Variants in IFT56 observed in about 807,000 individuals in gnomAD.
The protein encoded by IFT56 is intraflagellar transport protein 56.
chr7:139,134,650 T>C, the IFT56 span: 52 of 1,602,820 alleles, frequency 3.2e-5, no homozygotes, highest in Non-Finnish European at 4.3e-5. Context: ...TTGTTTCTTT[T>C]ACAGATGCTT....
chr7:139,173,846 T>C, the IFT56 span: 1 of 712,672 alleles, frequency 1.4e-6, no homozygotes, highest in Non-Finnish European at 2.6e-6. Flanking sequence ...GAACTTCAGG[T>C]ATTTCTATAG....
the IFT56 span, among the ~76,000 whole-genome samples, chr7:139,166,158 A>T: frequency 1.1e-4 from 16 of 152,114 alleles, no homozygotes; most frequent in Non-Finnish European, 2.2e-4. Context: ...GGGTTTCGCC[A>T]TGTTGGCCAG....
chr7:139,166,855 C>T, the IFT56 span: 46 of 1,585,212 alleles, frequency 2.9e-5, no homozygotes, highest in Non-Finnish European at 1.7e-6. Flanking sequence ...GTACAAGAAG[C>T]TTATAACTTA....
the IFT56 span, chr7:139,139,776 T>C: frequency 1.6e-6 from 1 of 638,280 alleles, no homozygotes; most frequent in South Asian, 2.1e-5. Context: ...GCATGTAGGA[T>C]TCCCTAAATG....
chr7:139,155,188 A>C, the IFT56 span, among the ~76,000 whole-genome samples: 4 of 151,926 alleles, frequency 2.6e-5, no homozygotes, highest in Non-Finnish European at 5.9e-5. Context: ...ACCTTGCTGA[A>C]CTCATTTATT....
chr7:139,172,143 AAATTAC>A, the IFT56 span, among the ~76,000 whole-genome samples: 12 of 132,184 alleles, frequency 9.1e-5, no homozygotes, highest in African/African-American at 4.7e-4. Context: ...AAAAAAAAAA[AAATTAC>A]TTAATGCTAA....
the IFT56 span, chr7:139,169,438 A>T: frequency 8.1e-7 from 1 of 1,235,158 alleles, no homozygotes; most frequent in Non-Finnish European, 1.2e-6. Context: ...CTGTCTAGGG[A>T]TGTATCTATT....
the IFT56 span, chr7:139,189,455 C>T: frequency 6.7e-7 from 1 of 1,486,626 alleles, no homozygotes; most frequent in Non-Finnish European, 9.3e-7. Context: ...GTCCTAGGAA[C>T]CAGCTTCTAC....
chr7:139,171,435 C>T, the IFT56 span, among the ~76,000 whole-genome samples: 1 of 152,154 alleles, frequency 6.6e-6, no homozygotes, highest in Non-Finnish European at 1.5e-5. Flanking sequence ...TACCTGACTT[C>T]TAATTATACC....
the IFT56 span, among the ~76,000 whole-genome samples, chr7:139,171,843 T>A: frequency 6.6e-6 from 1 of 152,200 alleles, no homozygotes; most frequent in African/African-American, 2.4e-5. Flanking sequence ...TAGGCTTTAT[T>A]TAGATCACCA....
chr7:139,181,576 G>C, the IFT56 span, among the ~76,000 whole-genome samples: 1 of 152,180 alleles, frequency 6.6e-6, no homozygotes, highest in African/African-American at 2.4e-5. Flanking sequence ...GTCCTGTGTT[G>C]CTTTATAATG....
At chr7:139,143,485 G>A in the IFT56 span, among the ~76,000 whole-genome samples, 23 of 151,886 alleles carry the variant, frequency 1.5e-4, no homozygotes, top group African/African-American at 4.1e-4. Flanking sequence ...ATATTTGTGA[G>A]CTATACTAGC....
chr7:139,151,327 CAG>C, the IFT56 span, among the ~76,000 whole-genome samples: 1 of 151,754 alleles, frequency 6.6e-6, no homozygotes, highest in African/African-American at 2.4e-5. Context: ...GGATGGCAAA[CAG>C]ATGATGAAAA....
the IFT56 span, among the ~76,000 whole-genome samples, chr7:139,175,100 C>G: frequency 6.6e-6 from 1 of 152,010 alleles, no homozygotes; most frequent in African/African-American, 2.4e-5. Context: ...CATCACTGAT[C>G]ATCAGAGAAA....
chr7:139,165,134 T>C, the IFT56 span: 2 of 1,611,988 alleles, frequency 1.2e-6, no homozygotes, highest in Admixed American at 3.3e-5. Flanking sequence ...ATCTCTAGGT[T>C]GTTTTCCGAG....
the IFT56 span, among the ~76,000 whole-genome samples, chr7:139,188,051 T>G: frequency 6.6e-6 from 1 of 151,750 alleles, no homozygotes; most frequent in Non-Finnish European, 1.5e-5. Flanking sequence ...TTAGTTTACA[T>G]AAAATTAATA....
the IFT56 span, among the ~76,000 whole-genome samples, chr7:139,174,676 A>G: frequency 6.6e-6 from 1 of 152,188 alleles, no homozygotes; most frequent in Non-Finnish European, 1.5e-5. Context: ...AAAAAATCTA[A>G]CAATCCAATT....
At chr7:139,165,220 A>G in the IFT56 span, 1 of 1,612,932 alleles carries the variant, frequency 6.2e-7, no homozygotes, top group Non-Finnish European at 8.5e-7. Context: ...TTGGTGATTT[A>G]CTACCTTCGT....
chr7:139,164,518 CTT>C, the IFT56 span, among the ~76,000 whole-genome samples: 17 of 152,192 alleles, frequency 1.1e-4, no homozygotes, highest in Admixed American at 7.2e-4. Context: ...ATTTTTAACT[CTT>C]TTTAATTTAA....
Sources: allele counts gnomAD v4.1 joint callset (sites outside exome capture counted in the v4.1 genomes callset), GRCh38; gene constraint gnomAD v4.1.1; transcripts MANE v1.5; gene names NCBI Gene and HGNC (gene_info 2026-07-23, HGNC 2026-07-21).